The following SETD5 variants were observed in gnomAD, a reference collection of about 807,000 sequenced individuals.
The protein encoded by SETD5 is histone-lysine N-methyltransferase SETD5.
In SETD5, 44 loss-of-function variants were observed where a neutral mutation model predicts 153.3. The observed-to-expected ratio is 0.29, with a 90% CI of 0.23 to 0.37. SETD5 has a LOEUF of 0.37. Ranked by LOEUF, SETD5 falls within the 10% of genes least tolerant of loss-of-function variation. The pLI is 1.00. For missense variants in SETD5, 1,544 were observed against 1,768.0 expected (o/e 0.87, Z 2.27); for synonymous variants, 716 against 645.2 (o/e 1.11, Z -1.66).
intron 18 of SETD5, chr3:9,464,976 C>T: frequency 5.0e-6 from 2 of 400,864 alleles, no homozygotes; most frequent in Non-Finnish European, 9.4e-6. Flanking sequence ...GTTATCTTTA[C>T]TGTATACTTT....
intron 11 of SETD5, among the ~76,000 whole-genome samples, chr3:9,444,609 C>T (rs1055058127): frequency 5.3e-5 from 8 of 151,864 alleles, no homozygotes; most frequent in Admixed American, 5.3e-4. Flanking sequence ...GAAAGTGTTA[C>T]GTCAGGCGCG....
intron 1 of SETD5, among the ~76,000 whole-genome samples, chr3:9,415,805 T>A (rs1486698750): frequency 6.6e-6 from 1 of 151,466 alleles, no homozygotes; most frequent in East Asian, 1.9e-4. Flanking sequence ...CTCAAGTGAT[T>A]CTCCTAAGTC....
intron 1 of SETD5, among the ~76,000 whole-genome samples, chr3:9,419,775 A>C (rs1276806325): frequency 2.0e-5 from 3 of 152,214 alleles, no homozygotes; most frequent in Non-Finnish European, 4.4e-5. Context: ...TTTTGCTTAA[A>C]TTAATGAAAG....
At position 9,476,013 on chromosome 3, in the gene SETD5, TGGGAGTGG is replaced by T; in HGVS notation, c.4255_4262del (p.Ser1419CysfsTer32). On this transcript the variant is annotated frameshift_variant, in exon 23 of 23. Coordinates refer to ENST00000402198, the MANE Select transcript of SETD5 (RefSeq NM_001080517.3). LOFTEE classifies it high-confidence loss of function. ...CCAATTCACAGCACTACCCACACCG[TGGGAGTGG>T]GGGTGTGCACCAGTACCGACTCCAG... 6.2e-7 allele frequency: 1 copy of T among 1,613,896 alleles called. No homozygotes were observed. Among genetic ancestry groups the T allele is most frequent in the Non-Finnish European group, 8.5e-7 (1 of 1,179,866 alleles).
chr3:9,450,717 C>G (rs2042523898), intron 16 of SETD5, among the ~76,000 whole-genome samples: 1 of 152,132 alleles, frequency 6.6e-6, no homozygotes, highest in Non-Finnish European at 1.5e-5. Flanking sequence ...AGAAAACCCT[C>G]CATGGGATTA....
intron 10 of SETD5, 82 bp from the exon 11 acceptor site, chr3:9,443,226 G>A (rs1356906503): frequency 1.0e-6 from 1 of 965,064 alleles, no homozygotes; most frequent in Non-Finnish European, 1.6e-6. Flanking sequence ...AACTCCAAAT[G>A]GAGAGAAAGT....
chr3:9,455,177 T>C (rs1168497474), intron 17 of SETD5, among the ~76,000 whole-genome samples: 1 of 143,228 alleles, frequency 7.0e-6, no homozygotes, highest in Non-Finnish European at 1.5e-5. Flanking sequence ...TCTTTTTTTT[T>C]TTTTTTTTTT....
intron 1 of SETD5, among the ~76,000 whole-genome samples, chr3:9,410,960 C>G (rs2036484475): frequency 2.0e-5 from 3 of 151,486 alleles, no homozygotes; most frequent in Admixed American, 1.3e-4. Context: ...ATGATCTCAG[C>G]TCACTGCAAC....
rs894731130 is a variant in SETD5 at position 9,431,805 on chromosome 3, G to A, written c.72-2040G>A. On this transcript the variant is annotated intron_variant, in intron 3 of 22. Coordinates refer to ENST00000402198, the MANE Select transcript of SETD5 (RefSeq NM_001080517.3). ...TCTCCATGGCCATCTTTGATTTCAT[G>A]CAACTTTCCTTTTTCCTGTCCCCCT... is the stretch of plus-strand genomic sequence containing the variant. 125 of 876,430 alleles carry A rather than the reference G, an allele frequency of 1.4e-4. 1 individual carries two copies. The highest frequency in any genetic ancestry group is 1.7e-4 in the Non-Finnish European group (124 of 730,602). The allele number at this position is 876,430 out of a possible 1,614,324, so 54.3% of individuals were successfully genotyped here. A position where few individuals can be genotyped will look rare whatever the true frequency, so the allele number is the denominator to read the frequency against.
chr3:9,402,874 A>C (rs952938866), intron 1 of SETD5, among the ~76,000 whole-genome samples: 1 of 152,202 alleles, frequency 6.6e-6, no homozygotes, highest in Non-Finnish European at 1.5e-5. Flanking sequence ...GCATGGGAGG[A>C]GCCAGAGACC....
chr3:9,407,957 G>A (rs190202166), intron 1 of SETD5, among the ~76,000 whole-genome samples: 2 of 151,684 alleles, frequency 1.3e-5, no homozygotes, highest in East Asian at 3.9e-4. Context: ...CTGAGATTGC[G>A]CCATTGTATT....
intron 3 of SETD5, chr3:9,430,927 G>A (rs971570111): frequency 2.0e-6 from 2 of 985,384 alleles, no homozygotes; most frequent in Non-Finnish European, 2.4e-6. Context: ...TGATACTGTG[G>A]TCATAACTAG....
chr3:9,474,913 T>A (rs1389912057), intron 21 of SETD5, 155 bp from the exon 22 acceptor site: 19 of 660,174 alleles, frequency 2.9e-5, no homozygotes, highest in Non-Finnish European at 4.8e-5. Context: ...AATTAACCAC[T>A]CATTTTGCCC....
chr3:9,447,756 G>A lies in SETD5; in HGVS notation c.1853G>A (p.Arg618Gln). 1.9e-6 allele frequency: 3 copies of A among 1,613,976 alleles called. No individual in the cohort carries two copies. The highest frequency in any genetic ancestry group is 2.5e-6 in the Non-Finnish European group (3 of 1,179,892). ...AKPSRPRPKS[R>Q]ISRYRTSSAQ... ...CCTTCTAGGCCCCGGCCGAAGAGTC[G>A]AATTTCTCGGTACAGGACCAGTTCA... Residue 618 changes from arginine (R) to glutamine (Q), a missense_variant, in exon 15 of 23, where the codon CGA (arginine) becomes CAA (glutamine). This residue lies in a region of SETD5 where 782 missense variants were observed against 787.2 expected (regional missense o/e 0.99). Transcript: ENST00000402198.
intron 17 of SETD5, among the ~76,000 whole-genome samples, chr3:9,457,441 C>G (rs1462852702): frequency 1.3e-5 from 2 of 151,892 alleles, no homozygotes; most frequent in African/African-American, 4.8e-5. Flanking sequence ...GAGCTGAGAT[C>G]GCGCCACTGC....
At chr3:9,467,996 G>GC (rs1046137478) in intron 18 of SETD5, among the ~76,000 whole-genome samples, 5 of 151,410 alleles carry the variant, frequency 3.3e-5, no homozygotes, top group African/African-American at 1.2e-4. Context: ...AGAGGAACTG[G>GC]CCATCTCCCT....
At chr3:9,439,562 T>C (rs1003978844) in intron 7 of SETD5, among the ~76,000 whole-genome samples, 3 of 152,238 alleles carry the variant, frequency 2.0e-5, no homozygotes. Context: ...GTGTTTGTTT[T>C]GTTTTCTGAT....
At position 9,435,889 on chromosome 3, in the gene SETD5, A is replaced by C; in HGVS notation, c.550A>C (p.Lys184Gln). The change falls in exon 7 of 23, where the codon AAG (lysine) becomes CAG (glutamine). Residue 184 changes from lysine (K) to glutamine (Q), a missense_variant. By Grantham distance (53) the Lys-to-Gln change is moderately conservative. This residue lies in a region of SETD5 where 251 missense variants were observed against 326.9 expected (regional missense o/e 0.77). Transcript: ENST00000402198. ...TCCAGAAAAGGGTCGTGCAGCACCA[A>C]AGACGAAGAAAATCAAGGTATGCAG... is the stretch of plus-strand genomic sequence containing the variant. ...KSPEKGRAAP[K>Q]TKKIKNSPSE... 6.3e-7 allele frequency: 1 copy of C among 1,585,572 alleles called. No individual in the cohort carries two copies. Among genetic ancestry groups the C allele is most frequent in the Non-Finnish European group, 8.6e-7 (1 of 1,166,400 alleles).
At chr3:9,399,764 G>C (rs2034443224) in intron 1 of SETD5, among the ~76,000 whole-genome samples, 1 of 151,340 alleles carries the variant, frequency 6.6e-6, no homozygotes, top group African/African-American at 2.4e-5. Context: ...TTAAAAGGGT[G>C]ACCTTAGGAT....
Sources: gnomAD v4.1 joint callset for allele counts (sites outside exome capture counted in the v4.1 genomes callset) on GRCh38, gnomAD v4.1.1 for gene constraint, gnomAD v4.1.1 regional missense constraint, MANE v1.5 for transcripts, NCBI Gene and HGNC (gene_info 2026-07-23, HGNC 2026-07-21) for gene names.